RBFOX1: variants seen among roughly 807,000 people sequenced by gnomAD.
RBFOX1 encodes RNA binding fox-1 homolog 1.
Under a neutral mutation model 57.7 loss-of-function variants are expected in RBFOX1, and 8 were observed. The observed-to-expected ratio is 0.14, with a 90% CI of 0.08 to 0.25. The LOEUF (loss-of-function observed/expected upper bound fraction) is 0.25. RBFOX1 is among the 10% of genes least tolerant of loss of function. RBFOX1 has a pLI of 1.00. For synonymous variants in RBFOX1, 326 were observed against 222.4 expected (o/e 1.47, Z -4.15); for missense variants, 611 against 548.5 (o/e 1.11, Z -1.14).
At chr16:6,947,445 G>T (rs141489195) in intron 3 of RBFOX1, among the ~76,000 whole-genome samples, 2 of 152,158 alleles carry the variant, frequency 1.3e-5, no homozygotes, top group Non-Finnish European at 2.9e-5. Context: ...TCAACTGGCC[G>T]TATTTCATCC....
intron 2 of RBFOX1, among the ~76,000 whole-genome samples, chr16:6,412,138 AAAAAAAC>A (rs765655071): frequency 4.5e-4 from 65 of 143,154 alleles, no homozygotes; most frequent in South Asian, 6.4e-4. Context: ...ATGTAAAAAA[AAAAAAAC>A]AAAAAAACAA....
chr16:6,981,164 G>T (rs547600776), intron 3 of RBFOX1, among the ~76,000 whole-genome samples: 2 of 150,678 alleles, frequency 1.3e-5, no homozygotes, highest in Non-Finnish European at 2.9e-5. Flanking sequence ...CAGGTTTGTT[G>T]CACAGATAAG....
intron 1 of RBFOX1, among the ~76,000 whole-genome samples, chr16:5,302,518 T>A (rs2063830505): frequency 6.6e-6 from 1 of 152,256 alleles, no homozygotes; most frequent in South Asian, 2.1e-4. Flanking sequence ...CTTTATCAGT[T>A]ACTCAGAATG....
At chr16:5,302,579 G>A (rs1394480616) in intron 1 of RBFOX1, among the ~76,000 whole-genome samples, 2 of 152,100 alleles carry the variant, frequency 1.3e-5, no homozygotes, top group Admixed American at 6.5e-5. Flanking sequence ...TTCAATTATT[G>A]CATCATCTAT....
chr16:6,723,450 G>C (rs571554667), intron 3 of RBFOX1, among the ~76,000 whole-genome samples: 1 of 152,130 alleles, frequency 6.6e-6, no homozygotes, highest in Non-Finnish European at 1.5e-5. Flanking sequence ...ACACACAAAA[G>C]GGCATAATGT....
intron 5 of RBFOX1, among the ~76,000 whole-genome samples, chr16:7,563,448 ATTG>A (rs1271272098): frequency 3.3e-5 from 5 of 152,268 alleles, no homozygotes; most frequent in Admixed American, 1.3e-4. Context: ...TGTTATTGCT[ATTG>A]TTATATATAT....
intron 1 of RBFOX1, among the ~76,000 whole-genome samples, chr16:5,415,125 C>A (rs959775162): frequency 7.2e-5 from 11 of 152,104 alleles, no homozygotes; most frequent in African/African-American, 2.7e-4. Context: ...TCCTTTCTCA[C>A]GCTGTTCTAA....
chr16:7,585,046 T>G (rs957774095), intron 6 of RBFOX1, among the ~76,000 whole-genome samples: 1 of 152,244 alleles, frequency 6.6e-6, no homozygotes, highest in Non-Finnish European at 1.5e-5. Context: ...GTTCCATAGA[T>G]GACAGTTGCA....
chr16:6,833,912 A>G (rs780952875), intron 3 of RBFOX1, among the ~76,000 whole-genome samples: 2 of 152,096 alleles, frequency 1.3e-5, no homozygotes, highest in Admixed American at 6.5e-5. Context: ...AGGTTGATCA[A>G]TCCACAGATG....
chr16:6,927,141 G>C (rs906253976), intron 3 of RBFOX1, among the ~76,000 whole-genome samples: 1 of 151,994 alleles, frequency 6.6e-6, no homozygotes, highest in Non-Finnish European at 1.5e-5. Context: ...GAGACTTAGA[G>C]GGTCCCCACC....
chr16:7,318,061 G>C (rs2096477945), intron 4 of RBFOX1, among the ~76,000 whole-genome samples: 1 of 151,788 alleles, frequency 6.6e-6, no homozygotes, highest in Non-Finnish European at 1.5e-5. Context: ...ATTGTGAATG[G>C]TGACGGTGGT....
chr16:7,190,503 C>G (rs550325042), intron 4 of RBFOX1, among the ~76,000 whole-genome samples: 3 of 146,906 alleles, frequency 2.0e-5, no homozygotes, highest in Non-Finnish European at 4.5e-5. Context: ...TTTTTTTTTT[C>G]TTTCCTGAGT....
At chr16:7,079,230 AC>A (rs1042825676) in intron 4 of RBFOX1, among the ~76,000 whole-genome samples, 10 of 152,152 alleles carry the variant, frequency 6.6e-5, no homozygotes, top group Middle Eastern at 3.4e-3. Flanking sequence ...TATTGGCCAA[AC>A]CCAGTTTTAC....
chr16:6,350,312 A>C (rs1195812756), intron 2 of RBFOX1, among the ~76,000 whole-genome samples: 1 of 151,730 alleles, frequency 6.6e-6, no homozygotes, highest in Non-Finnish European at 1.5e-5. Context: ...TGCGTTGCGC[A>C]TGCCTGTAAT....
rs1388841658 is a variant in RBFOX1, at chr16:6,780,365, A to G, written c.-16+125715A>G. ...TATTTATATACATATTTATATACAT[A>G]TTTATAGATATATTTATACATATTA... On this transcript the variant is annotated intron_variant, in intron 3 of 15. Coordinates refer to ENST00000550418, the MANE Select transcript of RBFOX1 (RefSeq NM_018723.4). 3.7e-4 allele frequency among the ~76,000 whole-genome samples: 38 copies of G among 102,840 alleles called. 7 individuals are homozygous for G. The highest frequency in any genetic ancestry group is 1.6e-3 in the African/African-American group (36 of 22,906). The allele number at this position is 102,840 out of a possible 152,430, so 67.5% of individuals were successfully genotyped here.
At chr16:5,351,956 A>C (rs530608371) in intron 1 of RBFOX1, among the ~76,000 whole-genome samples, 5 of 152,172 alleles carry the variant, frequency 3.3e-5, no homozygotes, top group African/African-American at 9.6e-5. Context: ...GGCGCCCGCC[A>C]CCACGCTCGG....
At chr16:5,875,779 ACTT>A (rs1567658059) in intron 4 of RBFOX1, among the ~76,000 whole-genome samples, 4 of 151,862 alleles carry the variant, frequency 2.6e-5, no homozygotes, top group African/African-American at 9.7e-5. Flanking sequence ...AAATTTCTCT[ACTT>A]CTTTATTTGA....
intron 10 of RBFOX1, among the ~76,000 whole-genome samples, chr16:7,610,010 GT>G (rs558026500): frequency 1.8e-4 from 27 of 151,370 alleles, no homozygotes; most frequent in African/African-American, 6.6e-4. Flanking sequence ...TGGAGATGGG[GT>G]TTCACCCTGT....
intron 3 of RBFOX1, among the ~76,000 whole-genome samples, chr16:6,742,628 G>A (rs1158940287): frequency 2.0e-5 from 3 of 152,152 alleles, no homozygotes; most frequent in Non-Finnish European, 2.9e-5. Flanking sequence ...TGAGATACCC[G>A]TACTGTGAAC....
Sources: gnomAD v4.1 joint callset for allele counts (sites outside exome capture counted in the v4.1 genomes callset) on GRCh38, gnomAD v4.1.1 for gene constraint, MANE v1.5 for transcripts, NCBI Gene and HGNC (gene_info 2026-07-23, HGNC 2026-07-21) for gene names.